The following FGF12 variants were observed in gnomAD, a reference collection of about 807,000 sequenced individuals.
The protein encoded by FGF12 is fibroblast growth factor 12.
A neutral mutation model predicts 23.6 loss-of-function variants in FGF12; 14 were observed. That is an observed-to-expected ratio of 0.59 (90% CI 0.39 to 0.93). FGF12 has a LOEUF of 0.93. Ranked by LOEUF, FGF12 falls within the 40% of genes least tolerant of loss-of-function variation. The pLI, the probability that FGF12 is intolerant of heterozygous loss-of-function variation, is 0.00. For synonymous variants in FGF12, 62 were observed against 77.3 expected (o/e 0.80, Z 1.04); for missense variants, 175 against 217.8 (o/e 0.80, Z 1.24).
intron 2 of FGF12, among the ~76,000 whole-genome samples, chr3:192,660,447 A>C (rs1716619036): frequency 6.6e-6 from 1 of 151,586 alleles, no homozygotes; most frequent in Admixed American, 6.6e-5. Context: ...CCAACACGGC[A>C]CATGTATACA....
intron 2 of FGF12, among the ~76,000 whole-genome samples, chr3:192,451,831 G>T (rs1039101461): frequency 6.6e-6 from 1 of 152,170 alleles, no homozygotes; most frequent in African/African-American, 2.4e-5. Flanking sequence ...GCTACTGACG[G>T]AACCTGGGTA....
chr3:192,465,193 A>G (rs976493426), intron 2 of FGF12, among the ~76,000 whole-genome samples: 1 of 152,242 alleles, frequency 6.6e-6, no homozygotes, highest in Non-Finnish European at 1.5e-5. Flanking sequence ...AATGCAAATT[A>G]GCTGGTTAAT....
At chr3:192,541,041 C>T (rs1185585317) in intron 2 of FGF12, among the ~76,000 whole-genome samples, 1 of 151,870 alleles carries the variant, frequency 6.6e-6, no homozygotes, top group East Asian at 1.9e-4. Flanking sequence ...TGGAAAAGTG[C>T]AACTTATCAT....
chr3:192,322,346 T>C (rs1357898644), intron 4 of FGF12, among the ~76,000 whole-genome samples: 4 of 152,176 alleles, frequency 2.6e-5, no homozygotes, highest in African/African-American at 9.6e-5. Flanking sequence ...AAATATTCCA[T>C]GTTCATGGAT....
rs569998298 is a variant in FGF12 at position 192,174,963 on chromosome 3, T to C, written c.229-4307A>G. Among the ~76,000 whole-genome samples, 64 of 152,362 alleles carry C rather than the reference T, an allele frequency of 4.2e-4. No individual in the cohort carries two copies. In the South Asian group the frequency reaches 0.013, roughly 31 times the overall value. On this transcript the variant is annotated intron_variant, in intron 4 of 5. Transcript: ENST00000445105. ...ATAGCAGGAAAAATGCAATGAATCCTATAATAAGGCACTCAATTCTGGTTT... is the reference window on the plus strand; with the variant it reads ...ATAGCAGGAAAAATGCAATGAATCCCATAATAAGGCACTCAATTCTGGTTT...
At chr3:192,332,356 T>G (rs952516820) in intron 4 of FGF12, among the ~76,000 whole-genome samples, 5 of 151,154 alleles carry the variant, frequency 3.3e-5, no homozygotes, top group African/African-American at 1.2e-4. Flanking sequence ...GCAGAAGAAT[T>G]TAATAAAATA....
chr3:192,186,008 TATA>T lies in FGF12; in HGVS notation c.229-15355_229-15353del, dbSNP rs569343592. On this transcript the variant is annotated intron_variant, in intron 4 of 5. Transcript: ENST00000445105. ...CTGAAGCATACAATCTCAAGAAGCC[TATA>T]ATATGAGAGAATAAACACAGGTATG... is the stretch of plus-strand genomic sequence containing the variant. Among the ~76,000 whole-genome samples, 476 of 152,274 alleles carry T rather than the reference TATA, an allele frequency of 3.1e-3. 2 individuals are homozygous for T. The highest frequency in any genetic ancestry group is 3.5e-3 in the Non-Finnish European group (237 of 68,016).
intron 3 of FGF12, among the ~76,000 whole-genome samples, chr3:192,338,201 A>T (rs961149505): frequency 6.6e-6 from 1 of 152,064 alleles, no homozygotes; most frequent in African/African-American, 2.4e-5. Flanking sequence ...CTCCTGCCTC[A>T]GCCTCCAGAG....
At chr3:192,436,522 T>C (rs182906913) in intron 2 of FGF12, among the ~76,000 whole-genome samples, 1 of 152,320 alleles carries the variant, frequency 6.6e-6, no homozygotes, top group East Asian at 1.9e-4. Context: ...AAAACCTCCG[T>C]TGTAAACGAG....
At chr3:192,367,435 A>G (rs886800460) in intron 2 of FGF12, among the ~76,000 whole-genome samples, 1 of 152,242 alleles carries the variant, frequency 6.6e-6, no homozygotes, top group African/African-American at 2.4e-5. Context: ...TGCAGACTTC[A>G]AAATTAGACT....
intron 5 of FGF12, among the ~76,000 whole-genome samples, chr3:192,148,768 T>C (rs971753341): frequency 6.6e-6 from 1 of 152,116 alleles, no homozygotes; most frequent in Non-Finnish European, 1.5e-5. Flanking sequence ...GTTTTAGAAC[T>C]GTATTAAGGA....
intron 2 of FGF12, among the ~76,000 whole-genome samples, chr3:192,716,746 T>C (rs2108743659): frequency 6.6e-6 from 1 of 152,354 alleles, no homozygotes; most frequent in South Asian, 2.1e-4. Context: ...TTTTCCTCGT[T>C]TGTCTCATTA....
chr3:192,587,256 G>A (rs1246613570), intron 2 of FGF12, among the ~76,000 whole-genome samples: 4 of 151,848 alleles, frequency 2.6e-5, no homozygotes, highest in South Asian at 2.1e-4. Flanking sequence ...ACGGTTACCA[G>A]TTAGTTCTGC....
At chr3:192,639,465 A>G (rs1318269937) in intron 2 of FGF12, among the ~76,000 whole-genome samples, 1 of 152,232 alleles carries the variant, frequency 6.6e-6, no homozygotes, top group Non-Finnish European at 1.5e-5. Flanking sequence ...ACGCCCCCAA[A>G]AATGAACTCA....
At chr3:192,161,763 C>A (rs899525554) in intron 5 of FGF12, among the ~76,000 whole-genome samples, 1 of 152,064 alleles carries the variant, frequency 6.6e-6, no homozygotes, top group East Asian at 1.9e-4. Flanking sequence ...GACAATATGC[C>A]ATTCAAATGG....
chr3:192,654,470 C>A (rs1414111973), intron 2 of FGF12, among the ~76,000 whole-genome samples: 2 of 152,166 alleles, frequency 1.3e-5, no homozygotes, highest in African/African-American at 4.8e-5. Flanking sequence ...TTTGAATTTA[C>A]ATATGATTTT....
At position 192,278,855 on chromosome 3, in the gene FGF12, G is replaced by A. The variant is rs74641629; in HGVS notation, c.228+56506C>T. 6.8e-3 allele frequency among the ~76,000 whole-genome samples: 1,033 copies of A among 152,184 alleles called. 9 individuals carry two copies. Among genetic ancestry groups the A allele is most frequent in the African/African-American group, 0.024 (987 of 41,508 alleles). ...AGTACCAATCAAGTAACAATTCTCTGGTTCCCTTCCTGCTCCTCCCTCTCC... is the reference window on the plus strand; with the variant it reads ...AGTACCAATCAAGTAACAATTCTCTAGTTCCCTTCCTGCTCCTCCCTCTCC... On this transcript the variant is annotated intron_variant, in intron 4 of 5. Coordinates refer to ENST00000445105, the MANE Select transcript of FGF12 (RefSeq NM_004113.6).
chr3:192,190,699 T>A (rs959237968), intron 4 of FGF12, among the ~76,000 whole-genome samples: 1 of 152,040 alleles, frequency 6.6e-6, no homozygotes, highest in Non-Finnish European at 1.5e-5. Flanking sequence ...ATGGTCTCCA[T>A]CTCCTGACCT....
chr3:192,628,138 A>G (rs1560174165), intron 2 of FGF12, among the ~76,000 whole-genome samples: 1 of 152,112 alleles, frequency 6.6e-6, no homozygotes, highest in African/African-American at 2.4e-5. Context: ...TTCACTCAGT[A>G]TAATTCCCTG....
Sources: gnomAD v4.1 joint callset for allele counts (sites outside exome capture counted in the v4.1 genomes callset) on GRCh38, gnomAD v4.1.1 for gene constraint, MANE v1.5 for transcripts, NCBI Gene and HGNC (gene_info 2026-07-23, HGNC 2026-07-21) for gene names.